The following PABPC4L variants were observed in gnomAD, a reference collection of about 807,000 sequenced individuals.
The protein encoded by PABPC4L is poly(A) binding protein cytoplasmic 4 like.
For missense variants in PABPC4L, 452 were observed against 451.4 expected (o/e 1.00, Z -0.01); for synonymous variants, 169 against 164.1 (o/e 1.03, Z -0.23).
At chr4:133,960,297 AC>A in the PABPC4L span, among the ~76,000 whole-genome samples, 1 of 151,906 alleles carries the variant, frequency 6.6e-6, no homozygotes, top group Admixed American at 6.6e-5. Context: ...CCAAACACAC[AC>A]CCCCACTGAG....
At chr4:134,105,477 C>T in the PABPC4L span, among the ~76,000 whole-genome samples, 2 of 151,384 alleles carry the variant, frequency 1.3e-5, no homozygotes, top group East Asian at 1.9e-4. Context: ...TCTAAGAGGC[C>T]AATAAAACTG....
At chr4:134,091,216 C>T in the PABPC4L span, among the ~76,000 whole-genome samples, 106 of 151,940 alleles carry the variant, frequency 7.0e-4, no homozygotes, top group African/African-American at 2.5e-3. Flanking sequence ...CTCATTTACG[C>T]TTTCTACATT....
the PABPC4L span, among the ~76,000 whole-genome samples, chr4:134,112,706 T>C: frequency 6.6e-6 from 1 of 151,964 alleles, no homozygotes. Flanking sequence ...TGTATATGTA[T>C]GTGCATGTAT....
At chr4:134,087,259 GA>G in the PABPC4L span, among the ~76,000 whole-genome samples, 112 of 152,114 alleles carry the variant, frequency 7.4e-4, no homozygotes, top group Non-Finnish European at 1.0e-3. Context: ...CATAAAAAAT[GA>G]TGAGTTCATG....
At chr4:134,147,742 TGTGTGTG>T in the PABPC4L span, among the ~76,000 whole-genome samples, 8 of 91,502 alleles carry the variant, frequency 8.7e-5, no homozygotes, top group East Asian at 6.8e-3. Flanking sequence ...TGTGTGTGTG[TGTGTGTG>T]TGTTGTTGTT....
At chr4:134,172,357 A>C in the PABPC4L span, among the ~76,000 whole-genome samples, 2 of 152,004 alleles carry the variant, frequency 1.3e-5, no homozygotes, top group African/African-American at 4.8e-5. Flanking sequence ...CCCAGAAATA[A>C]ATCCAAACCC....
chr4:134,189,933 T>C, the PABPC4L span, among the ~76,000 whole-genome samples: 9 of 152,086 alleles, frequency 5.9e-5, no homozygotes, highest in African/African-American at 2.2e-4. Context: ...CAAAATACTG[T>C]CTTCCCCTTA....
chr4:134,171,703 T>C, the PABPC4L span, among the ~76,000 whole-genome samples: 3 of 152,060 alleles, frequency 2.0e-5, no homozygotes, highest in South Asian at 6.2e-4. Flanking sequence ...GGCATCTAAA[T>C]AGGAGGAGAG....
At chr4:134,178,365 CAA>C in the PABPC4L span, among the ~76,000 whole-genome samples, 31,439 of 103,828 alleles carry the variant, frequency 0.3, 3,714 homozygotes, top group Middle Eastern at 0.37. Flanking sequence ...AAGAAAAAAG[CAA>C]AAAAAAAAAA....
downstream of PABPC4L, among the ~76,000 whole-genome samples, chr4:134,192,005 T>G (rs1387911948): frequency 6.6e-6 from 1 of 152,084 alleles, no homozygotes; most frequent in Non-Finnish European, 1.5e-5. Context: ...AATGAGAAAC[T>G]GTCTTTGTCT....
chr4:134,125,053 C>T, the PABPC4L span, among the ~76,000 whole-genome samples: 1 of 152,122 alleles, frequency 6.6e-6, no homozygotes, highest in South Asian at 2.1e-4. Flanking sequence ...AAGGACACAA[C>T]CTGTATTAAC....
chr4:134,074,429 A>C, the PABPC4L span, among the ~76,000 whole-genome samples: 2,642 of 152,184 alleles, frequency 0.017, 74 homozygotes, highest in African/African-American at 0.057. Context: ...ACATTCCCAC[A>C]TCTTCCTGTC....
the PABPC4L span, among the ~76,000 whole-genome samples, chr4:134,111,105 G>T: frequency 2.7e-4 from 41 of 152,028 alleles, 3 homozygotes; most frequent in Admixed American, 1.3e-3. Context: ...ATCTGGTAAG[G>T]GTCCATCCTC....
chr4:134,120,554 T>C, the PABPC4L span, among the ~76,000 whole-genome samples: 1 of 151,016 alleles, frequency 6.6e-6, no homozygotes, highest in African/African-American at 2.4e-5. Flanking sequence ...GGAGAAAATT[T>C]TTTTAGTTTT....
At chr4:134,156,644 G>A in the PABPC4L span, among the ~76,000 whole-genome samples, 20 of 151,398 alleles carry the variant, frequency 1.3e-4, no homozygotes, top group South Asian at 4.2e-3. Flanking sequence ...TATTAGAATG[G>A]GGTATTTATT....
chr4:134,030,964 G>A, the PABPC4L span, among the ~76,000 whole-genome samples: 1 of 151,940 alleles, frequency 6.6e-6, no homozygotes, highest in African/African-American at 2.4e-5. Flanking sequence ...TAATAGCTTT[G>A]AGTATCTCTG....
At chr4:134,087,909 C>G in the PABPC4L span, among the ~76,000 whole-genome samples, 2 of 152,050 alleles carry the variant, frequency 1.3e-5, no homozygotes, top group Admixed American at 1.3e-4. Context: ...CATCTAGTAC[C>G]ATTCCACAGG....
the PABPC4L span, among the ~76,000 whole-genome samples, chr4:134,015,098 C>T: frequency 6.6e-6 from 1 of 152,200 alleles, no homozygotes; most frequent in African/African-American, 2.4e-5. Context: ...GGCGACTGAT[C>T]ATGCAACCCT....
the PABPC4L span, among the ~76,000 whole-genome samples, chr4:134,109,822 A>C: frequency 1.3e-5 from 2 of 151,834 alleles, no homozygotes; most frequent in Non-Finnish European, 2.9e-5. Flanking sequence ...GCTCACTGCA[A>C]CCTCTGCCTT....
Sources: allele counts gnomAD v4.1 joint callset (sites outside exome capture counted in the v4.1 genomes callset), GRCh38; gene constraint gnomAD v4.1.1; transcripts MANE v1.5; gene names NCBI Gene and HGNC (gene_info 2026-07-23, HGNC 2026-07-21).